Variants in TIAM2 observed in about 807,000 individuals in gnomAD.
The protein encoded by TIAM2 is TIAM Rac1 associated GEF 2.
In TIAM2, 80 loss-of-function variants were observed where a neutral mutation model predicts 152.9. The observed-to-expected ratio is 0.52, with a 90% CI of 0.44 to 0.63. The LOEUF is 0.63. Among genes scored for constraint, TIAM2 ranks in the 30% least tolerant of loss-of-function variants. The probability of loss-of-function intolerance (pLI) is 0.00; values close to 1 mark genes in which losing one functional copy is unlikely to be tolerated. For missense variants in TIAM2, 1,965 were observed against 2,120.1 expected (o/e 0.93, Z 1.44); for synonymous variants, 804 against 838.0 (o/e 0.96, Z 0.70).
intron 25 of TIAM2, 157 bp downstream of exon 25, chr6:155,254,217 T>C (rs370449682): frequency 2.0e-6 from 2 of 986,002 alleles, no homozygotes; most frequent in Non-Finnish European, 3.0e-6. Flanking sequence ...TAGGAGACTA[T>C]GTTGATTAAA....
chr6:155,083,363 A>T (rs1456925253), intron 1 of TIAM2, among the ~76,000 whole-genome samples: 1 of 150,764 alleles, frequency 6.6e-6, no homozygotes, highest in Non-Finnish European at 1.5e-5. Context: ...AAAAAAAAAA[A>T]AAAAAGAGAG....
In TIAM2 at chr6:155,114,036, A is replaced by ATTTTTTTTT. The variant is rs869241399; in HGVS notation, c.-117-13449_-117-13441dup. ...ACTTTATATATATATATATATATAT[A>ATTTTTTTTT]TTTTTTTTTTTTTCTTTTTTTTTTT... On this transcript the variant is annotated intron_variant, in intron 2 of 26. Coordinates refer to ENST00000682666, the MANE Select transcript of TIAM2 (RefSeq NM_012454.4). 5.4e-4 allele frequency among the ~76,000 whole-genome samples: 19 copies of ATTTTTTTTT among 34,908 alleles called. 1 individual carries two copies. The highest frequency in any genetic ancestry group is 0.025 in the Middle Eastern group (1 of 40). 22.9% of individuals were successfully genotyped at this position (34,908 alleles called of 152,430 possible).
intron 1 of TIAM2, among the ~76,000 whole-genome samples, chr6:155,007,389 CT>C (rs35138795): frequency 1.7e-3 from 247 of 143,612 alleles, no homozygotes; most frequent in Middle Eastern, 3.5e-3. Flanking sequence ...TTCTTTCTTT[CT>C]TTTTTTTTTT....
chr6:155,137,515 G>T lies in TIAM2; in HGVS notation c.1533G>T (p.Gly511=), dbSNP rs761925506. The change falls in exon 5 of 27, where the codon GGG becomes GGT. Residue 511 remains glycine (G), a synonymous_variant. Transcript: ENST00000682666. ...EKEQGVVRKA[G]WLFFKPLVTV... ...AACAGGGGGTGGTCCGGAAGGCCGG[G>T]TGGCTCTTCTTCAAGCCCCTGGTCA... 9.3e-6 allele frequency: 15 copies of T among 1,614,126 alleles called. No individual in the cohort carries two copies. Among genetic ancestry groups the T allele is most frequent in the Non-Finnish European group, 1.3e-5 (15 of 1,180,038 alleles).
chr6:155,022,336 G>A (rs1776515847), intron 1 of TIAM2: 1 of 152,214 alleles, frequency 6.6e-6, no homozygotes, highest in Non-Finnish European at 1.5e-5. Context: ...CTCTCACTCT[G>A]TTGCCCAGGC....
At position 155,156,315 on chromosome 6, in the gene TIAM2, C is replaced by T. The variant is rs899806853; in HGVS notation, c.2028+7981C>T. 1.3e-5 allele frequency among the ~76,000 whole-genome samples: 2 copies of T among 152,124 alleles called. No homozygotes were observed. Among genetic ancestry groups the T allele is most frequent in the Admixed American group, 6.6e-5 (1 of 15,256 alleles). On this transcript the variant is annotated intron_variant, in intron 7 of 26. Transcript: ENST00000682666. The surrounding 1 kb of genome is among the most constrained non-coding windows in gnomAD (Gnocchi z 4.4). ...TGCAGAAGCCTCCGGTTTCGCCCTTCGTCTGATGCATCTTCCATACAACAG... is the reference window on the plus strand; with the variant it reads ...TGCAGAAGCCTCCGGTTTCGCCCTTTGTCTGATGCATCTTCCATACAACAG...
At chr6:155,032,786 C>T (rs964467998) in intron 1 of TIAM2, among the ~76,000 whole-genome samples, 5 of 152,160 alleles carry the variant, frequency 3.3e-5, no homozygotes, top group African/African-American at 1.2e-4. Context: ...GGTGATCCGC[C>T]CACCTCGGCC....
intron 1 of TIAM2, among the ~76,000 whole-genome samples, chr6:155,085,739 G>A (rs1583182287): frequency 1.3e-5 from 2 of 152,172 alleles, no homozygotes; most frequent in East Asian, 3.9e-4. Flanking sequence ...TGATGTCATG[G>A]TGCAAACAGG....
intron 1 of TIAM2, among the ~76,000 whole-genome samples, chr6:155,033,067 C>T (rs1443172844): frequency 6.6e-6 from 1 of 152,154 alleles, no homozygotes; most frequent in East Asian, 1.9e-4. Context: ...CACATGTGGT[C>T]AAACTGGTCT....
At chr6:155,211,874 A>C (rs188768771) in intron 15 of TIAM2, among the ~76,000 whole-genome samples, 2 of 151,836 alleles carry the variant, frequency 1.3e-5, no homozygotes, top group Admixed American at 1.3e-4. Context: ...ATAACTCTCT[A>C]TTTCCCCTGC....
At chr6:155,107,023 T>G (rs557006060) in intron 2 of TIAM2, among the ~76,000 whole-genome samples, 1 of 152,330 alleles carries the variant, frequency 6.6e-6, no homozygotes, top group South Asian at 2.1e-4. Flanking sequence ...ATTTGAAGTG[T>G]TAGACACTGT....
intron 1 of TIAM2, among the ~76,000 whole-genome samples, chr6:155,011,449 T>C (rs538373387): frequency 1.0e-3 from 152 of 152,170 alleles, no homozygotes; most frequent in African/African-American, 3.6e-3. Context: ...AATAACTGAG[T>C]GTGAGATATT....
At position 155,148,183 on chromosome 6, in the gene TIAM2, A is replaced by C. The variant is rs770386390; in HGVS notation, c.1877A>C (p.Lys626Thr). ...GCTTGTGCATCCCTTTTTGCAAAGA[A>C]GCATGGGAAAGAGGACACGCTGCGG... ...HSACASLFAK[K>T]HGKEDTLRLL... Residue 626 changes from lysine (K) to threonine (T), a missense_variant, in exon 7 of 27, where the codon AAG (lysine) becomes ACG (threonine). Physicochemically the swap from Lys to Thr is moderately conservative, Grantham distance 78. Transcript: ENST00000682666. The C allele has an allele frequency of 4.3e-6, 7 of 1,613,606 alleles. No homozygotes were observed. The highest frequency in any genetic ancestry group is 2.2e-5 in the East Asian group (1 of 44,860).
At chr6:155,154,772 G>A (rs889570356) in intron 7 of TIAM2, among the ~76,000 whole-genome samples, 11 of 152,164 alleles carry the variant, frequency 7.2e-5, no homozygotes, top group Non-Finnish European at 1.5e-4. Flanking sequence ...ACCAGGGGTT[G>A]CTGTGGGGAA....
At chr6:155,126,623 C>G (rs1779304271) in intron 2 of TIAM2, among the ~76,000 whole-genome samples, 1 of 151,952 alleles carries the variant, frequency 6.6e-6, no homozygotes. Flanking sequence ...CCCAGTTACT[C>G]AGGAGGCTGA....
chr6:155,154,489 A>G (rs1038641132), intron 7 of TIAM2, among the ~76,000 whole-genome samples: 1 of 151,290 alleles, frequency 6.6e-6, no homozygotes, highest in African/African-American at 2.4e-5. Flanking sequence ...GAGCATGTCC[A>G]ATGTGGACCA....
Position 155,257,239 on chromosome 6 carries a change from TACATTTTCCCACAAA to T in TIAM2, c.*120_*134del. The T allele has an allele frequency of 1.8e-6, 2 of 1,131,242 alleles. No homozygotes were observed. The highest frequency in any genetic ancestry group is 2.5e-6 in the Non-Finnish European group (2 of 813,042). The allele number at this position is 1,131,242 out of a possible 1,614,324, so 70.1% of individuals were successfully genotyped here. A position where few individuals can be genotyped will look rare whatever the true frequency, so the allele number is the denominator to read the frequency against. ...GTTCATTCCTGGGTTTTGTGCAGTATACATTTTCCCACAAAATGGTTGTAAAGATTTAAGTTATTT... is the reference window on the plus strand; with the variant it reads ...GTTCATTCCTGGGTTTTGTGCAGTATATGGTTGTAAAGATTTAAGTTATTT... On this transcript the variant is annotated 3_prime_UTR_variant, in exon 27 of 27. Coordinates refer to ENST00000682666, the MANE Select transcript of TIAM2 (RefSeq NM_012454.4).
chr6:155,185,365 G>A (rs1017455212), intron 14 of TIAM2, among the ~76,000 whole-genome samples: 3 of 151,890 alleles, frequency 2.0e-5, no homozygotes, highest in African/African-American at 7.3e-5. Context: ...GACCTCAAGC[G>A]ATCCACCCTC....
At position 155,129,033 on chromosome 6, in the gene TIAM2, C is replaced by T; in HGVS notation, c.-6-185C>T. 2 of 596,616 alleles carry T rather than the reference C, an allele frequency of 3.4e-6. No individual in the cohort carries two copies. The highest frequency in any genetic ancestry group is 2.1e-5 in the South Asian group (1 of 47,350). The allele number at this position is 596,616 out of a possible 1,614,324, so 37.0% of individuals were successfully genotyped here. A position where few individuals can be genotyped will look rare whatever the true frequency, so the allele number is the denominator to read the frequency against. ...CAGGTGTGCAGTGTTGTCTGTCTAG[C>T]TAATGAGCAGCCTTGCAAAATAAGG... On this transcript the variant is annotated intron_variant, in intron 3 of 26. Transcript: ENST00000682666. This position sits in a 1 kb window ranked among gnomAD's most constrained non-coding sequence, Gnocchi z 4.8.
Sources: allele counts gnomAD v4.1 joint callset (sites outside exome capture counted in the v4.1 genomes callset), GRCh38; gene constraint gnomAD v4.1.1; non-coding constraint Gnocchi (gnomAD v3.1); transcripts MANE v1.5; gene names NCBI Gene and HGNC (gene_info 2026-07-23, HGNC 2026-07-21).